CCDC178: variants seen among roughly 807,000 people sequenced by gnomAD.
The protein encoded by CCDC178 is coiled-coil domain containing 178, also known as coiled-coil domain-containing protein 178.
In CCDC178, 126 loss-of-function variants were observed where a neutral mutation model predicts 117.4. The ratio of observed to expected loss-of-function variants is 1.07; its 90% CI spans 0.93 to 1.24. The LOEUF is 1.24. Ranked by LOEUF, CCDC178 falls within the 50% of genes most tolerant of loss-of-function variation. CCDC178 has a pLI of 0.00. For synonymous variants in CCDC178, 283 were observed against 313.4 expected (o/e 0.90, Z 1.02); for missense variants, 1,030 against 986.9 (o/e 1.04, Z -0.59).
chr18:32,984,143 C>T (rs889408089), intron 21 of CCDC178, among the ~76,000 whole-genome samples: 15 of 151,882 alleles, frequency 9.9e-5, no homozygotes, highest in African/African-American at 3.6e-4. Context: ...ATAAGACCCA[C>T]GTGCACTCCC....
chr18:33,429,418 C>A (rs187337751), intron 2 of CCDC178, among the ~76,000 whole-genome samples: 1 of 151,688 alleles, frequency 6.6e-6, no homozygotes, highest in Non-Finnish European at 1.5e-5. Flanking sequence ...AGTCAGTCTT[C>A]GGTAACCAGT....
chr18:33,235,706 A>G (rs74473716), intron 15 of CCDC178, among the ~76,000 whole-genome samples: 1 of 152,286 alleles, frequency 6.6e-6, no homozygotes, highest in East Asian at 1.9e-4. Context: ...TGCAGCTTGC[A>G]TAGAAGATTT....
chr18:32,971,389 T>C (rs1249390523), intron 22 of CCDC178, among the ~76,000 whole-genome samples: 1 of 152,224 alleles, frequency 6.6e-6, no homozygotes, highest in Non-Finnish European at 1.5e-5. Context: ...TTCCATGGTG[T>C]ATATGTGCCA....
chr18:33,214,711 T>C (rs1391448567), intron 19 of CCDC178, among the ~76,000 whole-genome samples: 1 of 152,046 alleles, frequency 6.6e-6, no homozygotes, highest in Admixed American at 6.6e-5. Context: ...TGAATTATCA[T>C]GTTGAAAATA....
chr18:33,153,222 A>G (rs1294661445), intron 20 of CCDC178, among the ~76,000 whole-genome samples: 1 of 150,214 alleles, frequency 6.7e-6, no homozygotes, highest in Non-Finnish European at 1.5e-5. Flanking sequence ...TGCAGTAGAA[A>G]GCTGTTATTT....
chr18:33,069,418 T>C (rs1567968802), intron 21 of CCDC178, among the ~76,000 whole-genome samples: 1 of 152,070 alleles, frequency 6.6e-6, no homozygotes, highest in Non-Finnish European at 1.5e-5. Context: ...CAGTAACATA[T>C]AGTGAGGAAA....
chr18:33,351,957 CTTCTT>C (rs1320395468), intron 7 of CCDC178, among the ~76,000 whole-genome samples: 1 of 152,148 alleles, frequency 6.6e-6, no homozygotes, highest in African/African-American at 2.4e-5. Context: ...AAATTATTCT[CTTCTT>C]TTCTATTTTT....
chr18:33,156,246 G>A (rs1267117447), intron 20 of CCDC178, among the ~76,000 whole-genome samples: 3 of 151,436 alleles, frequency 2.0e-5, no homozygotes, highest in African/African-American at 7.3e-5. Flanking sequence ...CTGCCACCAC[G>A]CCCAGCTAAT....
intron 12 of CCDC178, among the ~76,000 whole-genome samples, chr18:33,279,293 C>T (rs1216992047): frequency 6.6e-6 from 1 of 152,006 alleles, no homozygotes; most frequent in African/African-American, 2.4e-5. Flanking sequence ...AAATCACAAG[C>T]ATTCTTATAC....
At chr18:33,202,581 G>C (rs751696235) in intron 20 of CCDC178, among the ~76,000 whole-genome samples, 1 of 151,916 alleles carries the variant, frequency 6.6e-6, no homozygotes, top group Non-Finnish European at 1.5e-5. Context: ...TTTGGCATTG[G>C]GCTCTGTGGG....
At chr18:32,978,636 G>A (rs1568193987) in intron 21 of CCDC178, among the ~76,000 whole-genome samples, 1 of 152,062 alleles carries the variant, frequency 6.6e-6, no homozygotes, top group Admixed American at 6.6e-5. Context: ...TGGGGATGTC[G>A]GGCAAAATAA....
At chr18:32,943,435 G>A (rs1011346593) in intron 22 of CCDC178, among the ~76,000 whole-genome samples, 1 of 151,916 alleles carries the variant, frequency 6.6e-6, no homozygotes, top group East Asian at 1.9e-4. Flanking sequence ...TTTTCTTTTA[G>A]GAAACTAGTG....
chr18:33,430,435 G>A (rs933686107), intron 2 of CCDC178, among the ~76,000 whole-genome samples: 5 of 152,086 alleles, frequency 3.3e-5, no homozygotes, highest in Admixed American at 6.6e-5. Context: ...AATATTTGCC[G>A]GCCTCTCTTG....
intron 5 of CCDC178, among the ~76,000 whole-genome samples, chr18:33,386,287 G>T (rs750152204): frequency 6.6e-6 from 1 of 152,180 alleles, no homozygotes; most frequent in Non-Finnish European, 1.5e-5. Context: ...AAAAAGAGGA[G>T]CTGGTACCAT....
chr18:33,297,451 G>A (rs1371814276), intron 11 of CCDC178, among the ~76,000 whole-genome samples: 1 of 151,966 alleles, frequency 6.6e-6, no homozygotes, highest in African/African-American at 2.4e-5. Context: ...AAGAAAAAAA[G>A]GGAAGACCCA....
intron 21 of CCDC178, among the ~76,000 whole-genome samples, chr18:33,056,303 G>C (rs1041176710): frequency 6.6e-6 from 1 of 152,126 alleles, no homozygotes; most frequent in African/African-American, 2.4e-5. Flanking sequence ...CTGTGTGCCA[G>C]GAAAGATGTC....
intron 11 of CCDC178, among the ~76,000 whole-genome samples, chr18:33,305,135 C>G (rs2062230542): frequency 6.6e-6 from 1 of 152,180 alleles, no homozygotes. Flanking sequence ...GGTGACCCAG[C>G]ATCTGAACTA....
intron 5 of CCDC178, among the ~76,000 whole-genome samples, chr18:33,372,397 T>G (rs969207801): frequency 1.3e-5 from 2 of 152,170 alleles, no homozygotes; most frequent in Non-Finnish European, 1.5e-5. Context: ...TTAGCTAAAA[T>G]GATTCAGTCT....
At chr18:32,947,317 A>G (rs951280115) in intron 22 of CCDC178, among the ~76,000 whole-genome samples, 33 of 152,212 alleles carry the variant, frequency 2.2e-4, no homozygotes, top group Admixed American at 7.9e-4. Flanking sequence ...TTATATTCCC[A>G]CAAGCAGTGT....
Sources: allele counts gnomAD v4.1 joint callset (sites outside exome capture counted in the v4.1 genomes callset), GRCh38; gene constraint gnomAD v4.1.1; transcripts MANE v1.5; gene names NCBI Gene and HGNC (gene_info 2026-07-23, HGNC 2026-07-21).